The following CSMD1 variants were observed in gnomAD, a reference collection of about 807,000 sequenced individuals.
CSMD1 encodes the protein CUB and Sushi multiple domains 1, also known as CUB and sushi domain-containing protein 1.
A neutral mutation model predicts 417.5 loss-of-function variants in CSMD1; 213 were observed. The observed-to-expected ratio is 0.51, with a 90% CI of 0.46 to 0.57. The LOEUF (loss-of-function observed/expected upper bound fraction) is 0.57, where lower values mean the gene tolerates loss of function less well. CSMD1 is among the 20% of genes least tolerant of loss of function. The pLI, the probability that CSMD1 is intolerant of heterozygous loss-of-function variation, is 0.00. For synonymous variants in CSMD1, 2,862 were observed against 1,736.8 expected (o/e 1.65, Z -16.11); for missense variants, 6,923 against 4,529.7 (o/e 1.53, Z -15.17).
intron 11 of CSMD1, chr8:3,469,149 C>T (rs1252741503): frequency 4.6e-6 from 1 of 215,924 alleles, no homozygotes; most frequent in African/African-American, 2.3e-5. Flanking sequence ...ACAACTGGGA[C>T]AGTCCTGGAA....
intron 1 of CSMD1, among the ~76,000 whole-genome samples, chr8:4,957,478 G>A (rs888679794): frequency 6.6e-6 from 1 of 152,128 alleles, no homozygotes; most frequent in Non-Finnish European, 1.5e-5. Flanking sequence ...TTTCAGGGAA[G>A]ACACACATAT....
chr8:3,170,239 G>C (rs563909858), intron 37 of CSMD1, among the ~76,000 whole-genome samples: 35 of 152,136 alleles, frequency 2.3e-4, no homozygotes, highest in Middle Eastern at 6.8e-3. Flanking sequence ...ACGGAGTCTC[G>C]CTCTGTGGCC....
intron 3 of CSMD1, among the ~76,000 whole-genome samples, chr8:4,308,705 A>C (rs1019090202): frequency 3.3e-5 from 5 of 152,182 alleles, no homozygotes; most frequent in African/African-American, 1.2e-4. Flanking sequence ...GTTTAATTGC[A>C]TTTGCATGAT....
intron 1 of CSMD1, among the ~76,000 whole-genome samples, chr8:4,821,480 T>A (rs983906707): frequency 6.6e-6 from 1 of 152,156 alleles, no homozygotes; most frequent in Non-Finnish European, 1.5e-5. Context: ...GGAACGCACT[T>A]TTCTCATATT....
rs182941299 is a variant in CSMD1, at chr8:3,257,370, C to A, written c.4153+26774G>T. ...GAGTGCCTACTGCATGTCAGTTCTACTCACTTGGGACACATCAATCAACAA... is the reference window on the plus strand; with the variant it reads ...GAGTGCCTACTGCATGTCAGTTCTAATCACTTGGGACACATCAATCAACAA... On this transcript the variant is annotated intron_variant, in intron 26 of 69. Transcript: ENST00000635120. Among the ~76,000 whole-genome samples, 1,005 of 152,374 alleles carry A rather than the reference C, an allele frequency of 6.6e-3. 8 individuals carry two copies. The highest frequency in any genetic ancestry group is 0.022 in the African/African-American group (930 of 41,584).
rs748652924 is a variant in CSMD1, at chr8:4,989,736, G to C, written c.85+4596C>G. ...GATTTAAAATTCAGCGCAATAGAGAGTATTTAATATGCCATTTGCATTTTG... is the reference window on the plus strand; with the variant it reads ...GATTTAAAATTCAGCGCAATAGAGACTATTTAATATGCCATTTGCATTTTG... On this transcript the variant is annotated intron_variant, in intron 1 of 69. Transcript: ENST00000635120. Among the ~76,000 whole-genome samples, 24 of 152,022 alleles carry C rather than the reference G, an allele frequency of 1.6e-4. 1 individual carries two copies. Among genetic ancestry groups the C allele is most frequent in the Admixed American group, 6.6e-5 (1 of 15,262 alleles).
At chr8:3,989,095 C>A (rs1247250780) in intron 5 of CSMD1, among the ~76,000 whole-genome samples, 1 of 152,170 alleles carries the variant, frequency 6.6e-6, no homozygotes, top group Non-Finnish European at 1.5e-5. Context: ...TTTCTTACAG[C>A]AGTAAACGTG....
intron 48 of CSMD1, among the ~76,000 whole-genome samples, chr8:3,089,503 A>C (rs1471877778): frequency 6.6e-6 from 1 of 152,206 alleles, no homozygotes; most frequent in African/African-American, 2.4e-5. Flanking sequence ...TGAATGATCA[A>C]GAGTTTACGT....
rs905123489 is a variant in CSMD1, at chr8:4,711,160, A to C, written c.86-73602T>G. On this transcript the variant is annotated intron_variant, in intron 1 of 69. Coordinates refer to ENST00000635120, the MANE Select transcript of CSMD1 (RefSeq NM_033225.6). ...TGAAATTCTCAACAATTTTCTCACA[A>C]AAAAAAAAAACCATGATCCTTTTAT... 9.5e-5 allele frequency among the ~76,000 whole-genome samples: 11 copies of C among 115,236 alleles called. No individual in the cohort carries two copies. In the East Asian group the frequency reaches 1.1e-3, roughly 12 times the overall value. 75.6% of individuals were successfully genotyped at this position (115,236 alleles called of 152,430 possible). A position where few individuals can be genotyped will look rare whatever the true frequency, so the allele number is the denominator to read the frequency against.
chr8:3,806,914 T>G (rs1800771575), intron 5 of CSMD1, among the ~76,000 whole-genome samples: 2 of 152,138 alleles, frequency 1.3e-5, no homozygotes, highest in Admixed American at 1.3e-4. Context: ...CCAGTAGTAG[T>G]GAGGTACTTA....
intron 2 of CSMD1, among the ~76,000 whole-genome samples, chr8:4,433,154 C>A (rs1232641115): frequency 6.6e-6 from 1 of 152,126 alleles, no homozygotes; most frequent in African/African-American, 2.4e-5. Flanking sequence ...CTCAGAGCTC[C>A]CACTGATTCT....
intron 2 of CSMD1, among the ~76,000 whole-genome samples, chr8:4,620,042 G>C (rs895410320): frequency 1.3e-5 from 2 of 151,920 alleles, no homozygotes; most frequent in South Asian, 2.1e-4. Flanking sequence ...AATTAGAATA[G>C]TATGGTGAAT....
intron 3 of CSMD1, among the ~76,000 whole-genome samples, chr8:4,396,457 G>C (rs1804219509): frequency 6.6e-6 from 1 of 152,094 alleles, no homozygotes; most frequent in Non-Finnish European, 1.5e-5. Flanking sequence ...GCTACAGAGT[G>C]ACAGCCAGTC....
At chr8:3,309,229 C>A (rs1435341392) in intron 23 of CSMD1, among the ~76,000 whole-genome samples, 1 of 152,142 alleles carries the variant, frequency 6.6e-6, no homozygotes, top group African/African-American at 2.4e-5. Context: ...TTTGCAGAAT[C>A]CTGACAGCCA....
At chr8:3,345,236 C>A (rs1807912206) in intron 22 of CSMD1, among the ~76,000 whole-genome samples, 2 of 152,152 alleles carry the variant, frequency 1.3e-5, no homozygotes, top group Admixed American at 1.3e-4. Flanking sequence ...ACCAAGCGCA[C>A]CGTGGATCCC....
intron 5 of CSMD1, among the ~76,000 whole-genome samples, chr8:3,785,617 G>A (rs531103960): frequency 1.3e-5 from 2 of 152,328 alleles, no homozygotes; most frequent in Admixed American, 6.5e-5. Flanking sequence ...TAAGATGTTA[G>A]AAGCAAGTTA....
chr8:4,633,457 G>C (rs1802653067), intron 2 of CSMD1, among the ~76,000 whole-genome samples: 1 of 151,964 alleles, frequency 6.6e-6, no homozygotes, highest in South Asian at 2.1e-4. Context: ...CACCGTGTTA[G>C]CCAGGATGGT....
chr8:4,731,827 C>G (rs1809893287), intron 1 of CSMD1, among the ~76,000 whole-genome samples: 1 of 152,082 alleles, frequency 6.6e-6, no homozygotes, highest in African/African-American at 2.4e-5. Flanking sequence ...CAGTGTTTTT[C>G]TTATTGTGTA....
At chr8:3,685,649 C>T (rs1325044143) in intron 7 of CSMD1, among the ~76,000 whole-genome samples, 3 of 152,044 alleles carry the variant, frequency 2.0e-5, no homozygotes, top group East Asian at 1.9e-4. Context: ...TTTTTAGAGG[C>T]CTGGGGGTGC....
Sources: allele counts gnomAD v4.1 joint callset (sites outside exome capture counted in the v4.1 genomes callset), GRCh38; gene constraint gnomAD v4.1.1; transcripts MANE v1.5; gene names NCBI Gene and HGNC (gene_info 2026-07-23, HGNC 2026-07-21).